CLN8: variants seen among roughly 807,000 people sequenced by gnomAD.
CLN8 encodes protein CLN8.
CLN8 carries 14 observed loss-of-function variants against 15.7 expected under a neutral mutation model. The ratio of observed to expected loss-of-function variants is 0.89; its 90% CI spans 0.59 to 1.39. The LOEUF (loss-of-function observed/expected upper bound fraction) is 1.39, where lower values mean the gene tolerates loss of function less well. Ranked by LOEUF, CLN8 falls within the 40% of genes most tolerant of loss-of-function variation. The pLI is 0.00. For missense variants in CLN8, 415 were observed against 364.0 expected (o/e 1.14, Z -1.14); for synonymous variants, 188 against 151.0 (o/e 1.25, Z -1.80).
At chr8:1,767,924 G>A (rs1801133799) in intron 1 of CLN8, among the ~76,000 whole-genome samples, 1 of 151,390 alleles carries the variant, frequency 6.6e-6, no homozygotes, top group Non-Finnish European at 1.5e-5. Context: ...AGGGTGGTTA[G>A]GAAAGAAACT....
At chr8:1,765,760 GTCTTT>G (rs1193406508) in intron 1 of CLN8, among the ~76,000 whole-genome samples, 2 of 152,186 alleles carry the variant, frequency 1.3e-5, no homozygotes, top group East Asian at 3.8e-4. Flanking sequence ...CTTTGGGATT[GTCTTT>G]TCTTCTTGAT....
chr8:1,759,166 G>C (rs1330027197), upstream of CLN8: 1 of 152,198 alleles, frequency 6.6e-6, no homozygotes, highest in Non-Finnish European at 1.5e-5. Flanking sequence ...GATTTCAACG[G>C]AAGGCGGGTA....
chr8:1,776,268 G>A (rs1422205610), intron 2 of CLN8, among the ~76,000 whole-genome samples: 1 of 152,214 alleles, frequency 6.6e-6, no homozygotes, highest in African/African-American at 2.4e-5. Context: ...TCTGTGAGGG[G>A]CAGCTGTATG....
rs751948401 is a variant in CLN8, at chr8:1,782,808, C to T, written c.*2241C>T. 10 of 152,162 alleles carry T rather than the reference C, an allele frequency of 6.6e-5. No individual in the cohort carries two copies. Among genetic ancestry groups the T allele is most frequent in the South Asian group, 2.1e-4 (1 of 4,832 alleles). 9.4% of individuals were successfully genotyped at this position (152,162 alleles called of 1,614,324 possible). A position where few individuals can be genotyped will look rare whatever the true frequency, so the allele number is the denominator to read the frequency against. ...ATAAATTCATCATGTGTTCAGAATT[C>T]GATTTGGAGTTGGAAGTGGACAGCC... On this transcript the variant is annotated 3_prime_UTR_variant, in exon 3 of 3. Coordinates refer to ENST00000331222, the MANE Select transcript of CLN8 (RefSeq NM_018941.4).
chr8:1,757,947 A>T (rs1370929092), intron 1 of CLN8, among the ~76,000 whole-genome samples: 1 of 152,016 alleles, frequency 6.6e-6, no homozygotes, highest in East Asian at 1.9e-4. Flanking sequence ...GTTGGAGGAG[A>T]CTTTAGGGAC....
chr8:1,765,542 T>C (rs1446176778), intron 1 of CLN8, among the ~76,000 whole-genome samples: 2 of 152,200 alleles, frequency 1.3e-5, no homozygotes, highest in African/African-American at 2.4e-5. Flanking sequence ...ATTTTCAAAA[T>C]GTTAGAAGTA....
chr8:1,755,578 C>A (rs2130942914), upstream of CLN8, among the ~76,000 whole-genome samples: 1 of 152,336 alleles, frequency 6.6e-6, no homozygotes, highest in South Asian at 2.1e-4. Flanking sequence ...ATATCAGCTG[C>A]TCTTTACCTT....
chr8:1,755,497 C>G (rs1800649204), upstream of CLN8, among the ~76,000 whole-genome samples: 1 of 152,206 alleles, frequency 6.6e-6, no homozygotes, highest in Non-Finnish European at 1.5e-5. Context: ...AGTGCCTCCC[C>G]CCGTTCTACC....
chr8:1,784,210 G>C lies in CLN8; in HGVS notation c.*3643G>C, dbSNP rs948228219. On this transcript the variant is annotated 3_prime_UTR_variant, in exon 3 of 3. Coordinates refer to ENST00000331222, the MANE Select transcript of CLN8 (RefSeq NM_018941.4). ...TAAGGTAGAAGAATTGCTTGAACCT[G>C]GGAGGCAGAGATTGCAGTGAGCCGA... The C allele has an allele frequency of 1.3e-5, 2 of 152,166 alleles. No individual in the cohort carries two copies. Among genetic ancestry groups the C allele is most frequent in the African/African-American group, 4.8e-5 (2 of 41,348 alleles). 9.4% of individuals were successfully genotyped at this position (152,166 alleles called of 1,614,324 possible). A position where few individuals can be genotyped will look rare whatever the true frequency, so the allele number is the denominator to read the frequency against.
At position 1,783,336 on chromosome 8, in the gene CLN8, A is replaced by T. The variant is rs111988802; in HGVS notation, c.*2769A>T. 0.068 allele frequency: 10,286 copies of T among 152,318 alleles called. 426 individuals are homozygous for T. Among genetic ancestry groups the T allele is most frequent in the Non-Finnish European group, 0.098 (6,683 of 68,018 alleles). 9.4% of individuals were successfully genotyped at this position (152,318 alleles called of 1,614,324 possible). A position where few individuals can be genotyped will look rare whatever the true frequency, so the allele number is the denominator to read the frequency against. ...AAACGAGGTGAGTTCACATAACAGG[A>T]ATTCTGGAACTGCTTGAAAACTAGG... On this transcript the variant is annotated 3_prime_UTR_variant, in exon 3 of 3. Coordinates refer to ENST00000331222, the MANE Select transcript of CLN8 (RefSeq NM_018941.4).
intron 1 of CLN8, among the ~76,000 whole-genome samples, chr8:1,769,088 C>T (rs1474995287): frequency 6.6e-6 from 1 of 152,178 alleles, no homozygotes; most frequent in Non-Finnish European, 1.5e-5. Flanking sequence ...TCTTTCCCCA[C>T]ATCAGATTTG....
rs1405943722 is a variant in CLN8 at position 1,772,892 on chromosome 8, G to A, written c.543+1295G>A. 13 of 398,426 alleles carry A rather than the reference G, an allele frequency of 3.3e-5. No homozygotes were observed. The East Asian group carries it at 4.3e-4, about 13-fold the overall frequency. The allele number at this position is 398,426 out of a possible 1,614,324, so 24.7% of individuals were successfully genotyped here. On this transcript the variant is annotated intron_variant, in intron 2 of 2. Transcript: ENST00000331222. The stretch of plus-strand genomic sequence containing the variant: ...CAAATGTTCAGCCATTCACACAAAT[G>A]GGTCATGTTACTGCACATTTCTTGT...
chr8:1,775,684 G>A (rs1161813775), intron 2 of CLN8, among the ~76,000 whole-genome samples: 2 of 152,324 alleles, frequency 1.3e-5, no homozygotes, highest in Middle Eastern at 3.4e-3. Flanking sequence ...GACTGAGCTC[G>A]CGAGAGTCTG....
At chr8:1,755,690 A>C (rs1479739311), upstream of CLN8, 1 of 152,178 alleles carries the variant, frequency 6.6e-6, no homozygotes, top group Admixed American at 6.6e-5. Context: ...AATCCATCCA[A>C]TCCATCGGGT....
At position 1,771,020 on chromosome 8, in the gene CLN8, G is replaced by T; in HGVS notation, c.-35G>T. On this transcript the variant is annotated 5_prime_UTR_variant, in exon 2 of 3. Transcript: ENST00000331222. Reference sequence around the variant, plus strand: ...CACAGTGTAGGGCCCGGCCCGTGTTGGCCCCAGGACTCCTTTGGAATATAG... The same window carrying T: ...CACAGTGTAGGGCCCGGCCCGTGTTTGCCCCAGGACTCCTTTGGAATATAG... The T allele has an allele frequency of 6.2e-7, 1 of 1,609,932 alleles. No homozygotes were observed.
intron 2 of CLN8, among the ~76,000 whole-genome samples, chr8:1,772,592 G>T (rs1801357900): frequency 6.6e-6 from 1 of 152,114 alleles, no homozygotes; most frequent in South Asian, 2.1e-4. Context: ...CCAAGTAGCT[G>T]GGATTACAGC....
In CLN8 at chr8:1,783,486, T is replaced by A. The variant is rs1293413681; in HGVS notation, c.*2919T>A. ...CAGTGTGATCACTTGTCAGTGCGCT[T>A]TCTCTTTCGATAGTGAAATCCTTCT... is the stretch of plus-strand genomic sequence containing the variant. On this transcript the variant is annotated 3_prime_UTR_variant, in exon 3 of 3. Transcript: ENST00000331222. 6.6e-6 allele frequency: 1 copy of A among 152,258 alleles called. No individual in the cohort carries two copies. The highest frequency in any genetic ancestry group is 1.5e-5 in the Non-Finnish European group (1 of 68,046). 9.4% of individuals were successfully genotyped at this position (152,258 alleles called of 1,614,324 possible). A position where few individuals can be genotyped will look rare whatever the true frequency, so the allele number is the denominator to read the frequency against.
chr8:1,767,565 C>CTTTTTTTTTTTTTTTTTTTTT (rs1156569423), intron 1 of CLN8, among the ~76,000 whole-genome samples: 1 of 81,310 alleles, frequency 1.2e-5, no homozygotes, highest in Non-Finnish European at 2.1e-5. Flanking sequence ...ATGTTTCTTT[C>CTTTTTTTTTTTTTTTTTTTTT]TTTTTTTTTT....
chr8:1,754,548 G>A (rs763048638), upstream of CLN8, among the ~76,000 whole-genome samples: 1 of 152,150 alleles, frequency 6.6e-6, no homozygotes, highest in African/African-American at 2.4e-5. Context: ...AGGAAATAAC[G>A]GATATTTTCA....
Sources: gnomAD v4.1 joint callset for allele counts (sites outside exome capture counted in the v4.1 genomes callset) on GRCh38, gnomAD v4.1.1 for gene constraint, MANE v1.5 for transcripts, NCBI Gene and HGNC (gene_info 2026-07-23, HGNC 2026-07-21) for gene names.